SLF2: variants seen among roughly 807,000 people sequenced by gnomAD.
The protein encoded by SLF2 is SMC5/6 complex localization factor 2.
Under a neutral mutation model 124.3 loss-of-function variants are expected in SLF2, and 68 were observed. That is an observed-to-expected ratio of 0.55 (90% CI 0.45 to 0.67). The LOEUF is 0.67. Among genes scored for constraint, SLF2 ranks in the 30% least tolerant of loss-of-function variants. The pLI is 0.00. For synonymous variants in SLF2, 480 were observed against 478.8 expected, an observed-to-expected ratio of 1.00 and a Z score of -0.03; for missense variants, 1,246 against 1,373.7, an observed-to-expected ratio of 0.91 and a Z score of 1.47.
At position 100,924,987 on chromosome 10, in the gene SLF2, G is replaced by GA. The variant is rs1849589293; in HGVS notation, c.1971+16dup. On this transcript the variant is annotated intron_variant, in intron 5 of 19. Coordinates refer to ENST00000238961, the MANE Select transcript of SLF2 (RefSeq NM_018121.4). ...CAGACTATACAGTAAGTAGTTCTGT[G>GA]ACGTTTATCTTTACTTGAAGAGGGA... 6.3e-7 allele frequency: 1 copy of GA among 1,582,680 alleles called. No individual in the cohort carries two copies. The highest frequency in any genetic ancestry group is 8.6e-7 in the Non-Finnish European group (1 of 1,166,062).
chr10:100,926,909 C>CA (rs765415662), intron 6 of SLF2: 1,410 of 112,510 alleles, frequency 0.013, 4 homozygotes, highest in Non-Finnish European at 0.015. Context: ...GACTCCATCT[C>CA]AAAAAAAAAA....
chr10:100,915,981 T>G lies in SLF2; in HGVS notation c.141-18T>G. On this transcript the variant is annotated intron_variant, in intron 1 of 19. Transcript: ENST00000238961. ...TAATATTTGCTTATATGATGCCATA[T>G]TATGCTTTTATTTTCAGGAAGCAGT... 1 of 1,591,368 alleles carries G rather than the reference T, an allele frequency of 6.3e-7. No individual in the cohort carries two copies. Among genetic ancestry groups the G allele is most frequent in the Non-Finnish European group, 8.6e-7 (1 of 1,160,856 alleles).
At chr10:100,942,431 G>T (rs540054447) in intron 11 of SLF2, among the ~76,000 whole-genome samples, 1 of 152,154 alleles carries the variant, frequency 6.6e-6, no homozygotes, top group Non-Finnish European at 1.5e-5. Flanking sequence ...GATACGTTGC[G>T]CAAGGTATGG....
intron 17 of SLF2, among the ~76,000 whole-genome samples, chr10:100,955,313 G>A (rs1262425628): frequency 6.6e-6 from 1 of 151,748 alleles, no homozygotes; most frequent in Non-Finnish European, 1.5e-5. Context: ...ACCAGAAAGA[G>A]GGGCATGATA....
At position 100,924,959 on chromosome 10, in the gene SLF2, C is replaced by A; in HGVS notation, c.1958C>A (p.Ser653Ter). The A allele has an allele frequency of 6.2e-7, 1 of 1,612,594 alleles. No individual in the cohort carries two copies. Among genetic ancestry groups the A allele is most frequent in the South Asian group, 1.1e-5 (1 of 90,986 alleles). ...PALSKGLRSQ[S>*]SDYTGHVHPG... ...CTTTCCAAGGGGCTTAGATCTCAGT[C>A]ATCAGACTATACAGTAAGTAGTTCT... Residue 653 changes from serine to a stop codon, truncating the protein, a stop_gained, in exon 5 of 20, where the codon TCA becomes TAA. Coordinates refer to ENST00000238961, the MANE Select transcript of SLF2 (RefSeq NM_018121.4). LOFTEE classifies it high-confidence loss of function.
intron 1 of SLF2, chr10:100,913,616 A>G: frequency 1.8e-6 from 2 of 1,111,836 alleles, no homozygotes; most frequent in Non-Finnish European, 2.2e-6. Context: ...CTAGTGGTTT[A>G]GTAATATAAA....
chr10:100,930,364 C>T (rs1015247270), intron 8 of SLF2, among the ~76,000 whole-genome samples: 1 of 152,182 alleles, frequency 6.6e-6, no homozygotes, highest in Admixed American at 6.5e-5. Context: ...CACCTAGCTT[C>T]GGGTGCTGTT....
Position 100,920,910 on chromosome 10 carries a change from C to G in SLF2, c.973+2469C>G, listed in dbSNP as rs1396750521. On this transcript the variant is annotated intron_variant, in intron 4 of 19. Coordinates refer to ENST00000238961, the MANE Select transcript of SLF2 (RefSeq NM_018121.4). ...GTTGCAGTGAGCTGAGATGGTGCCA[C>G]TGCACTCCAGCCTGGGTGTCAGAGC... 2.6e-5 allele frequency among the ~76,000 whole-genome samples: 4 copies of G among 152,150 alleles called. No homozygotes were observed. The East Asian group carries it at 7.7e-4, about 29-fold the overall frequency.
chr10:100,926,232 C>T, intron 6 of SLF2: 3 of 1,537,472 alleles, frequency 2.0e-6, no homozygotes, highest in Non-Finnish European at 1.7e-6. Context: ...TTACTTGAGC[C>T]CAGGAGTTCA....
In SLF2 at chr10:100,938,664, A is replaced by T. The variant is rs1266675910; in HGVS notation, c.2582A>T (p.Asn861Ile). The change falls in exon 11 of 20, where the codon AAT becomes ATT. Residue 861 changes from asparagine to isoleucine, a missense_variant. By Grantham distance (149) the Asn-to-Ile change is moderately radical. Transcript: ENST00000238961. ...SLSDVAAVFF[N>I]MGIDFRSLFP... is the part of the protein sequence containing the mutation. ...TCTGATGTAGCAGCTGTGTTTTTCA[A>T]TATGGGGATTGATTTTAGATCTTTG... 1 of 1,613,756 alleles carries T rather than the reference A, an allele frequency of 6.2e-7. No homozygotes were observed. The highest frequency in any genetic ancestry group is 8.5e-7 in the Non-Finnish European group (1 of 1,179,876).
chr10:100,944,226 T>G, intron 12 of SLF2, 98 bp downstream of exon 12: 1 of 689,816 alleles, frequency 1.4e-6, no homozygotes, highest in Non-Finnish European at 2.3e-6. Flanking sequence ...CCGGGCGCGG[T>G]GGCTCACGCC....
Position 100,924,001 on chromosome 10 carries a change from G to C in SLF2, c.1000G>C (p.Glu334Gln). ...SAGSKQNKFP[E>Q]KRKRNSVDSD... ...AGGCTCTAAGCAGAATAAATTCCCT[G>C]AAAAAAGAAAAAGGAACTCTGTGGA... Residue 334 changes from glutamate (E) to glutamine (Q), a missense_variant, in exon 5 of 20, where the codon GAA (glutamate) becomes CAA (glutamine). Glu to Gln is a conservative substitution (Grantham distance 29, BLOSUM62 2). Coordinates refer to ENST00000238961, the MANE Select transcript of SLF2 (RefSeq NM_018121.4). 1.3e-6 allele frequency: 2 copies of C among 1,554,036 alleles called. No homozygotes were observed. The highest frequency in any genetic ancestry group is 1.7e-6 in the Non-Finnish European group (2 of 1,157,540).
intron 1 of SLF2, chr10:100,913,884 C>T: frequency 1.4e-5 from 14 of 984,886 alleles, no homozygotes; most frequent in Non-Finnish European, 1.7e-5. Context: ...TTTAAATTCC[C>T]TACGAACTTG....
rs1415559255 is a variant in SLF2 at position 100,924,871 on chromosome 10, C to T, written c.1870C>T (p.Leu624=). 6.2e-7 allele frequency: 1 copy of T among 1,614,174 alleles called. No homozygotes were observed. The highest frequency in any genetic ancestry group is 1.1e-5 in the South Asian group (1 of 91,082). The change falls in exon 5 of 20, where the codon CTG becomes TTG. Residue 624 remains leucine, a synonymous_variant. Coordinates refer to ENST00000238961, the MANE Select transcript of SLF2 (RefSeq NM_018121.4). ...SDEEEETLKS[L]EEIMALNFNQ... ...TGAGGAAGAGGAAACATTAAAGTCA[C>T]TGGAAGAAATAATGGCTTTGAACTT...
At chr10:100,946,948 C>G in intron 13 of SLF2, 91 bp from the exon 14 acceptor site, 2 of 984,376 alleles carry the variant, frequency 2.0e-6, no homozygotes, top group South Asian at 2.7e-5. Flanking sequence ...CTAGTGCTTC[C>G]ATTATGTCAA....
intron 9 of SLF2, among the ~76,000 whole-genome samples, chr10:100,933,430 C>G (rs1014475754): frequency 6.6e-6 from 1 of 152,148 alleles, no homozygotes; most frequent in African/African-American, 2.4e-5. Context: ...GCTTTACCAA[C>G]TTGTAAGTAG....
At chr10:100,928,031 ACC>A (rs60988031) in intron 6 of SLF2, among the ~76,000 whole-genome samples, 366 of 30,530 alleles carry the variant, frequency 0.012, 11 homozygotes, top group African/African-American at 0.016. Context: ...TATGATGAAC[ACC>A]CCCCCCCCCC....
chr10:100,943,489 A>G (rs540643962), intron 11 of SLF2, among the ~76,000 whole-genome samples: 1 of 152,350 alleles, frequency 6.6e-6, no homozygotes, highest in East Asian at 1.9e-4. Flanking sequence ...AAAATTAAAA[A>G]TGTTATCTAT....
chr10:100,930,089 C>A, intron 8 of SLF2, 92 bp downstream of exon 8: 1 of 741,436 alleles, frequency 1.3e-6, no homozygotes, highest in Non-Finnish European at 2.1e-6. Context: ...AGGTTAATTT[C>A]TATTATGACC....
Sources: allele counts gnomAD v4.1 joint callset (sites outside exome capture counted in the v4.1 genomes callset), GRCh38; gene constraint gnomAD v4.1.1; transcripts MANE v1.5; gene names NCBI Gene and HGNC (gene_info 2026-07-23, HGNC 2026-07-21).